NRXN3: variants seen among roughly 807,000 people sequenced by gnomAD.
NRXN3 encodes the protein neurexin 3.
Under a neutral mutation model 137.6 loss-of-function variants are expected in NRXN3, and 32 were observed. The observed-to-expected ratio is 0.23, with a 90% CI of 0.18 to 0.31. NRXN3 has a LOEUF of 0.31. Among genes scored for constraint, NRXN3 ranks in the 10% least tolerant of loss-of-function variants. The probability of loss-of-function intolerance (pLI) is 1.00; values close to 1 mark genes in which losing one functional copy is unlikely to be tolerated. For missense variants in NRXN3, 1,574 were observed against 2,062.5 expected, an observed-to-expected ratio of 0.76 and a Z score of 4.59; for synonymous variants, 798 against 784.5, an observed-to-expected ratio of 1.02 and a Z score of -0.29.
intron 15 of NRXN3, among the ~76,000 whole-genome samples, chr14:79,348,368 A>T (rs1265694125): frequency 4.9e-5 from 7 of 142,742 alleles, no homozygotes; most frequent in Non-Finnish European, 7.4e-5. Context: ...TTTTATAGTT[A>T]ATCTTCTCTC....
chr14:79,432,294 A>G (rs1169350237), intron 15 of NRXN3, among the ~76,000 whole-genome samples: 2 of 152,088 alleles, frequency 1.3e-5, no homozygotes, highest in Non-Finnish European at 2.9e-5. Context: ...CCTTTGACCA[A>G]CCACTGCCAG....
At chr14:78,310,398 G>A (rs745678090) in intron 4 of NRXN3, among the ~76,000 whole-genome samples, 1 of 150,916 alleles carries the variant, frequency 6.6e-6, no homozygotes, top group Non-Finnish European at 1.5e-5. Flanking sequence ...TGAGGACTTT[G>A]TCCTATTTAT....
chr14:78,545,895 A>G (rs1468968554), intron 4 of NRXN3, among the ~76,000 whole-genome samples: 1 of 152,170 alleles, frequency 6.6e-6, no homozygotes, highest in African/African-American at 2.4e-5. Flanking sequence ...TTCATATCAA[A>G]AGGCAGTGCT....
At chr14:79,178,462 C>T (rs79621782) in intron 15 of NRXN3, among the ~76,000 whole-genome samples, 5,440 of 152,100 alleles carry the variant, frequency 0.036, 245 homozygotes, top group East Asian at 0.22. Context: ...TCTGTGGTAT[C>T]GTAGAACAGA....
chr14:79,455,694 T>C (rs970002058), intron 15 of NRXN3, among the ~76,000 whole-genome samples: 3 of 152,080 alleles, frequency 2.0e-5, no homozygotes, highest in Non-Finnish European at 4.4e-5. Flanking sequence ...TTTATATTTG[T>C]AATCTTTTCT....
chr14:78,618,778 A>T lies in NRXN3; in HGVS notation c.758-26342A>T, dbSNP rs947466808. Among the ~76,000 whole-genome samples, 4 of 152,232 alleles carry T rather than the reference A, an allele frequency of 2.6e-5. No individual in the cohort carries two copies. The South Asian group carries it at 8.3e-4, about 32-fold the overall frequency. On this transcript the variant is annotated intron_variant, in intron 4 of 20. Coordinates refer to ENST00000335750, the MANE Select transcript of NRXN3 (RefSeq NM_001330195.2). ...AAAAATTAACTGATTTTATTCAAGG[A>T]TACCCTGTTAGTTGCAGCCACTGGT...
chr14:79,280,401 C>G (rs774942321), intron 15 of NRXN3: 1 of 1,614,014 alleles, frequency 6.2e-7, no homozygotes, highest in Non-Finnish European at 8.5e-7. Flanking sequence ...TGGAGTTCTT[C>G]TAATGTAGCT....
At chr14:79,622,170 G>C (rs1446613258) in intron 16 of NRXN3, among the ~76,000 whole-genome samples, 1 of 152,106 alleles carries the variant, frequency 6.6e-6, no homozygotes, top group African/African-American at 2.4e-5. Context: ...ATGCAGAAGA[G>C]GCCATAATTA....
At chr14:79,540,645 G>A (rs1004325102) in intron 16 of NRXN3, among the ~76,000 whole-genome samples, 2 of 152,132 alleles carry the variant, frequency 1.3e-5, no homozygotes, top group African/African-American at 4.8e-5. Context: ...AAGTAAAATA[G>A]CCTGGATCAA....
At chr14:79,090,049 G>A (rs2048868933) in intron 15 of NRXN3, among the ~76,000 whole-genome samples, 1 of 152,132 alleles carries the variant, frequency 6.6e-6, no homozygotes, top group South Asian at 2.1e-4. Context: ...AATAGAATCA[G>A]CTTTCCTTTG....
intron 6 of NRXN3, among the ~76,000 whole-genome samples, chr14:78,689,736 G>C (rs566949772): frequency 6.6e-6 from 1 of 152,130 alleles, no homozygotes; most frequent in African/African-American, 2.4e-5. Context: ...TTCTAGGCTG[G>C]AATAATGTAC....
chr14:78,556,134 A>G (rs781578654), intron 4 of NRXN3, among the ~76,000 whole-genome samples: 2 of 152,194 alleles, frequency 1.3e-5, no homozygotes, highest in Non-Finnish European at 2.9e-5. Flanking sequence ...ACCATTTTCC[A>G]AGGCAAATCC....
At chr14:79,066,692 G>A (rs958772289) in intron 15 of NRXN3, among the ~76,000 whole-genome samples, 3 of 151,862 alleles carry the variant, frequency 2.0e-5, no homozygotes, top group African/African-American at 7.3e-5. Context: ...TCCCTTGTTA[G>A]TTGTATTCCT....
chr14:78,563,501 C>T (rs2096806684), intron 4 of NRXN3, among the ~76,000 whole-genome samples: 1 of 152,174 alleles, frequency 6.6e-6, no homozygotes, highest in East Asian at 1.9e-4. Context: ...TACCTAGATC[C>T]ATCCCCTAGA....
chr14:79,536,970 C>T (rs1178644052), intron 16 of NRXN3, among the ~76,000 whole-genome samples: 2 of 152,028 alleles, frequency 1.3e-5, no homozygotes, highest in Non-Finnish European at 2.9e-5. Flanking sequence ...TTTGGGTATA[C>T]ATCTTGTAAT....
intron 20 of NRXN3, among the ~76,000 whole-genome samples, chr14:79,808,255 A>AATATATAT (rs1162311378): frequency 4.0e-5 from 5 of 123,980 alleles, no homozygotes; most frequent in African/African-American, 9.9e-5. Context: ...AAAAAAAAAA[A>AATATATAT]ATATATATAT....
At chr14:78,467,746 A>G (rs2095152211) in intron 4 of NRXN3, among the ~76,000 whole-genome samples, 1 of 152,212 alleles carries the variant, frequency 6.6e-6, no homozygotes. Context: ...GCAGGACTCA[A>G]TTATGTAGTG....
intron 10 of NRXN3, among the ~76,000 whole-genome samples, chr14:78,929,344 C>T (rs777886952): frequency 6.6e-6 from 1 of 152,046 alleles, no homozygotes; most frequent in Non-Finnish European, 1.5e-5. Context: ...TTTCCTGATC[C>T]TCTTCCTCCT....
At chr14:78,962,186 A>AG (rs1481711973) in intron 11 of NRXN3, among the ~76,000 whole-genome samples, 5 of 152,204 alleles carry the variant, frequency 3.3e-5, no homozygotes, top group Non-Finnish European at 2.9e-5. Flanking sequence ...AGTTCAATGT[A>AG]GGGGTCTACC....
Sources: allele counts gnomAD v4.1 joint callset (sites outside exome capture counted in the v4.1 genomes callset), GRCh38; gene constraint gnomAD v4.1.1; transcripts MANE v1.5; gene names NCBI Gene and HGNC (gene_info 2026-07-23, HGNC 2026-07-21).